The following ANXA4 variants were observed in gnomAD, a reference collection of about 807,000 sequenced individuals.
ANXA4 encodes annexin A4, also known as 35-beta calcimedin.
A neutral mutation model predicts 49.8 loss-of-function variants in ANXA4; 39 were observed. The ratio of observed to expected loss-of-function variants is 0.78; its 90% CI spans 0.61 to 1.02. ANXA4 has a LOEUF of 1.02. Among genes scored for constraint, ANXA4 ranks in the 50% least tolerant of loss-of-function variants. ANXA4 has a pLI of 0.00. For synonymous variants in ANXA4, 134 were observed against 152.5 expected (o/e 0.88, Z 0.89); for missense variants, 360 against 410.1 (o/e 0.88, Z 1.05).
At chr2:69,784,609 AT>A (rs1479218877) in intron 2 of ANXA4, among the ~76,000 whole-genome samples, 1 of 152,264 alleles carries the variant, frequency 6.6e-6, no homozygotes. Flanking sequence ...AAAATAAAGT[AT>A]TTGCAAAAGT....
At chr2:69,802,840 C>G (rs534953105) in intron 3 of ANXA4, among the ~76,000 whole-genome samples, 17 of 152,184 alleles carry the variant, frequency 1.1e-4, no homozygotes, top group African/African-American at 2.9e-4. Context: ...TTCCACACCC[C>G]CTCCTAGCTG....
At chr2:69,768,910 A>G (rs529103700) in intron 1 of ANXA4, among the ~76,000 whole-genome samples, 12 of 152,318 alleles carry the variant, frequency 7.9e-5, no homozygotes, top group South Asian at 6.2e-4. Flanking sequence ...ACCCCATCTC[A>G]AAAGAAAAGT....
intron 3 of ANXA4, among the ~76,000 whole-genome samples, chr2:69,798,457 G>T (rs1598180): frequency 0.26 from 40,303 of 152,148 alleles, 5,818 homozygotes; most frequent in Admixed American, 0.45. Context: ...CAGGCAATCA[G>T]AGGCTGGGGT....
intron 2 of ANXA4, among the ~76,000 whole-genome samples, chr2:69,672,207 T>C (rs1354997166): frequency 6.6e-6 from 1 of 152,154 alleles, no homozygotes; most frequent in East Asian, 1.9e-4. Flanking sequence ...AAAAAAATTA[T>C]GTACTTTATT....
chr2:69,755,131 A>G (rs985135179), intron 1 of ANXA4, among the ~76,000 whole-genome samples: 4 of 152,256 alleles, frequency 2.6e-5, no homozygotes, highest in African/African-American at 9.6e-5. Flanking sequence ...TAAAATACCT[A>G]GAATAGTCAA....
chr2:69,723,994 C>T (rs1463428336), intron 3 of ANXA4, among the ~76,000 whole-genome samples: 1 of 152,264 alleles, frequency 6.6e-6, no homozygotes, highest in Non-Finnish European at 1.5e-5. Context: ...GTGGCGCACG[C>T]CTGTAATCCC....
At chr2:69,721,121 G>C (rs1669800852) in intron 3 of ANXA4, among the ~76,000 whole-genome samples, 1 of 152,234 alleles carries the variant, frequency 6.6e-6, no homozygotes, top group African/African-American at 2.4e-5. Flanking sequence ...TCAAGCCCTG[G>C]CTGCTGCTTC....
chr2:69,814,613 T>C (rs1673877282), intron 8 of ANXA4, among the ~76,000 whole-genome samples: 1 of 152,020 alleles, frequency 6.6e-6, no homozygotes, highest in South Asian at 2.1e-4. Flanking sequence ...CCTTCCAAAG[T>C]GCTATGATTA....
chr2:69,650,459 C>A (rs1209995340), intron 1 of ANXA4, among the ~76,000 whole-genome samples: 4 of 151,866 alleles, frequency 2.6e-5, no homozygotes, highest in Non-Finnish European at 2.9e-5. Context: ...CTTCAAGGAG[C>A]TTTTGGTGGT....
In ANXA4 at chr2:69,818,644, G is replaced by C. The variant is rs755637268; in HGVS notation, c.674G>C (p.Ser225Thr). Residue 225 changes from serine (S) to threonine (T), a missense_variant, in exon 10 of 13, where the codon AGT becomes ACT. Coordinates refer to ENST00000394295, the MANE Select transcript of ANXA4 (RefSeq NM_001153.5). ...KRISQKDIEQ[S>T]IKSETSGSFE... ...ATATCACAGAAGGATATTGAACAGA[G>C]TATTAAATCTGAAACATCTGGTAGC... 6.2e-7 allele frequency: 1 copy of C among 1,611,874 alleles called. No homozygotes were observed. Among genetic ancestry groups the C allele is most frequent in the Non-Finnish European group, 8.5e-7 (1 of 1,178,772 alleles).
At chr2:69,695,987 C>G (rs1261692514) in intron 2 of ANXA4, among the ~76,000 whole-genome samples, 1 of 152,144 alleles carries the variant, frequency 6.6e-6, no homozygotes, top group East Asian at 1.9e-4. Flanking sequence ...CATCTCAACA[C>G]TGGTGACTGC....
Position 69,759,514 on chromosome 2 carries a change from G to A in ANXA4, c.-47+17339G>A, listed in dbSNP as rs865913986. On this transcript the variant is annotated intron_variant, in intron 1 of 12. Transcript: ENST00000394295. ...AAGTTAATCATTTGTATTTGTAAGC[G>A]TGGAAAGATTCATTATTTTCAACAC... Among the ~76,000 whole-genome samples, 8 of 152,254 alleles carry A rather than the reference G, an allele frequency of 5.3e-5. No individual in the cohort carries two copies. In the East Asian group the frequency reaches 1.5e-3, roughly 29 times the overall value.
chr2:69,764,539 T>C (rs1033309761), intron 1 of ANXA4, among the ~76,000 whole-genome samples: 2 of 152,228 alleles, frequency 1.3e-5, no homozygotes, highest in African/African-American at 4.8e-5. Flanking sequence ...GAGAGGCCAC[T>C]GTGAGCCTCT....
At chr2:69,720,782 A>T (rs745407635) in exon 3 of ANXA4, 3 of 152,138 alleles carry the variant, frequency 2.0e-5, no homozygotes. Context: ...AGGTCCCCTC[A>T]GTGATTCCTG....
intron 2 of ANXA4, among the ~76,000 whole-genome samples, chr2:69,716,397 TAAGAG>T (rs1168062319): frequency 6.6e-6 from 1 of 151,994 alleles, no homozygotes; most frequent in African/African-American, 2.4e-5. Context: ...ACCAGAAAGA[TAAGAG>T]GAGAGGCAGA....
At chr2:69,730,689 C>T (rs981489521) in intron 3 of ANXA4, among the ~76,000 whole-genome samples, 1 of 152,220 alleles carries the variant, frequency 6.6e-6, no homozygotes, top group South Asian at 2.1e-4. Context: ...AAACATGCTG[C>T]TCATGCTGCC....
intron 1 of ANXA4, among the ~76,000 whole-genome samples, chr2:69,649,853 C>T (rs76767203): frequency 0.063 from 9,417 of 148,860 alleles, 976 homozygotes; most frequent in East Asian, 0.36. Flanking sequence ...GACTCCTGAA[C>T]TCAAGCAATC....
At chr2:69,718,974 AC>A (rs1669742897) in intron 2 of ANXA4, among the ~76,000 whole-genome samples, 1 of 144,572 alleles carries the variant, frequency 6.9e-6, no homozygotes, top group African/African-American at 2.5e-5. Context: ...CAAGCTAGCT[AC>A]CCTCCTTTTT....
intron 1 of ANXA4, among the ~76,000 whole-genome samples, chr2:69,780,358 G>C (rs1229970279): frequency 6.6e-6 from 1 of 152,014 alleles, no homozygotes; most frequent in Non-Finnish European, 1.5e-5. Flanking sequence ...CTACCCCCCA[G>C]CTAATTTTTA....
Sources: gnomAD v4.1 joint callset for allele counts (sites outside exome capture counted in the v4.1 genomes callset) on GRCh38, gnomAD v4.1.1 for gene constraint, MANE v1.5 for transcripts, NCBI Gene and HGNC (gene_info 2026-07-23, HGNC 2026-07-21) for gene names.